The following RANBP2 variants were observed in gnomAD, a reference collection of about 807,000 sequenced individuals.
RANBP2 encodes RAN binding protein 2.
A neutral mutation model predicts 303.6 loss-of-function variants in RANBP2; 57 were observed. The ratio of observed to expected loss-of-function variants is 0.19; its 90% CI spans 0.15 to 0.23. RANBP2 has a LOEUF of 0.23. Among genes scored for constraint, RANBP2 ranks in the 10% least tolerant of loss-of-function variants. RANBP2 has a pLI of 1.00. For synonymous variants in RANBP2, 1,167 were observed against 1,301.5 expected, an observed-to-expected ratio of 0.90 and a Z score of 2.23; for missense variants, 3,138 against 3,780.8, an observed-to-expected ratio of 0.83 and a Z score of 4.46.
the RANBP2 span, among the ~76,000 whole-genome samples, chr2:109,152,207 C>A: frequency 2.0e-5 from 3 of 152,246 alleles, no homozygotes; most frequent in African/African-American, 7.2e-5. Flanking sequence ...TATCACAAAA[C>A]TGTCACCTGT....
chr2:108,849,813 A>C, the RANBP2 span, among the ~76,000 whole-genome samples: 12 of 152,192 alleles, frequency 7.9e-5, no homozygotes, highest in Admixed American at 7.9e-4. Flanking sequence ...GTGTTCATCT[A>C]CTACCTGGGG....
chr2:109,224,543 GTGGCT>G, the RANBP2 span, among the ~76,000 whole-genome samples: 1 of 152,196 alleles, frequency 6.6e-6, no homozygotes, highest in African/African-American at 2.4e-5. Flanking sequence ...TGTGGCCGGC[GTGGCT>G]CAGGAAGTGG....
At chr2:109,608,468 A>G in the RANBP2 span, among the ~76,000 whole-genome samples, 1 of 152,358 alleles carries the variant, frequency 6.6e-6, no homozygotes, top group South Asian at 2.1e-4. Context: ...AAAGGAAATC[A>G]GAGAATAGCC....
the RANBP2 span, chr2:109,760,441 G>T: frequency 1.1e-6 from 1 of 951,970 alleles, no homozygotes; most frequent in Non-Finnish European, 1.2e-6. Flanking sequence ...GCAGGGCCGG[G>T]GGCGGCGGCG....
the RANBP2 span, among the ~76,000 whole-genome samples, chr2:109,009,666 C>T: frequency 6.6e-6 from 1 of 151,162 alleles, no homozygotes; most frequent in African/African-American, 2.4e-5. Flanking sequence ...GCCTCCACTA[C>T]AGGCATGTAC....
the RANBP2 span, among the ~76,000 whole-genome samples, chr2:109,031,110 T>C: frequency 2.5e-4 from 38 of 152,212 alleles, no homozygotes; most frequent in Non-Finnish European, 4.1e-4. Flanking sequence ...GATTGGGCAA[T>C]GGTAAGAACT....
At chr2:109,448,079 G>A in the RANBP2 span, among the ~76,000 whole-genome samples, 1 of 152,110 alleles carries the variant, frequency 6.6e-6, no homozygotes, top group Non-Finnish European at 1.5e-5. Flanking sequence ...CCTCACTCTT[G>A]CTGAGTGACA....
At chr2:109,297,807 C>T in the RANBP2 span, among the ~76,000 whole-genome samples, 67 of 151,568 alleles carry the variant, frequency 4.4e-4, no homozygotes, top group African/African-American at 1.5e-3. Context: ...GCTCTCCCCA[C>T]TAGGTCAGTG....
chr2:109,371,507 G>A, the RANBP2 span: 1 of 1,222,148 alleles, frequency 8.2e-7, no homozygotes, highest in South Asian at 1.3e-5. Flanking sequence ...AGCCTCCACA[G>A]TACTAACCAG....
At chr2:109,536,945 G>A in the RANBP2 span, among the ~76,000 whole-genome samples, 1 of 152,300 alleles carries the variant, frequency 6.6e-6, no homozygotes, top group East Asian at 1.9e-4. Flanking sequence ...CACCATGATT[G>A]TGAGGCTTCC....
chr2:109,386,576 C>T, the RANBP2 span, among the ~76,000 whole-genome samples: 1 of 152,176 alleles, frequency 6.6e-6, no homozygotes, highest in South Asian at 2.1e-4. Flanking sequence ...AGTCCTCTAC[C>T]CACCTCTCTG....
At chr2:109,279,751 G>A in the RANBP2 span, among the ~76,000 whole-genome samples, 7 of 82,668 alleles carry the variant, frequency 8.5e-5, no homozygotes, top group Admixed American at 8.9e-4. Flanking sequence ...GAGCAGTGAC[G>A]CGAAACTTCG....
the RANBP2 span, among the ~76,000 whole-genome samples, chr2:109,267,609 G>A: frequency 1.3e-5 from 2 of 152,170 alleles, no homozygotes; most frequent in Non-Finnish European, 2.9e-5. Flanking sequence ...GGGTGGACCA[G>A]GCTGAGGGAG....
At chr2:109,017,087 A>G in the RANBP2 span, among the ~76,000 whole-genome samples, 51 of 152,318 alleles carry the variant, frequency 3.3e-4, no homozygotes, top group East Asian at 8.1e-3. Flanking sequence ...AGTTTCCTCA[A>G]TGTTTTTCTA....
At chr2:108,822,851 G>A in the RANBP2 span, among the ~76,000 whole-genome samples, 30 of 152,194 alleles carry the variant, frequency 2.0e-4, no homozygotes, top group South Asian at 2.3e-3. Flanking sequence ...AATCAAAATC[G>A]ACAGCCTGGC....
At chr2:109,248,774 C>A in the RANBP2 span, among the ~76,000 whole-genome samples, 5 of 149,102 alleles carry the variant, frequency 3.4e-5, no homozygotes, top group Non-Finnish European at 3.0e-5. Context: ...CTCTCTTTCT[C>A]TTCTTTCTGT....
chr2:109,351,284 T>A, the RANBP2 span, among the ~76,000 whole-genome samples: 1 of 152,208 alleles, frequency 6.6e-6, no homozygotes, highest in Non-Finnish European at 1.5e-5. Flanking sequence ...GAGGGCCCCA[T>A]GCCAGCTGTG....
At chr2:109,137,773 G>A in the RANBP2 span, among the ~76,000 whole-genome samples, 6 of 152,328 alleles carry the variant, frequency 3.9e-5, no homozygotes, top group African/African-American at 7.2e-5. Context: ...TTGTTTTTGC[G>A]TTCAAAGACT....
chr2:109,175,203 C>T, the RANBP2 span, among the ~76,000 whole-genome samples: 12 of 152,228 alleles, frequency 7.9e-5, no homozygotes, highest in East Asian at 3.9e-4. Context: ...TCAGTGGTGA[C>T]GTCAGTTTGG....
Sources: gnomAD v4.1 joint callset for allele counts (sites outside exome capture counted in the v4.1 genomes callset) on GRCh38, gnomAD v4.1.1 for gene constraint, MANE v1.5 for transcripts, NCBI Gene and HGNC (gene_info 2026-07-23, HGNC 2026-07-21) for gene names.